Variants in HOXA5 observed in about 807,000 individuals in gnomAD.
The protein encoded by HOXA5 is homeobox protein Hox-A5.
In HOXA5, 12 loss-of-function variants were observed where a neutral mutation model predicts 20.0. That is an observed-to-expected ratio of 0.60 (90% CI 0.38 to 0.97). HOXA5 has a LOEUF of 0.97. Among genes scored for constraint, HOXA5 ranks in the 50% least tolerant of loss-of-function variants. The pLI is 0.00. For missense variants in HOXA5, 352 were observed against 380.3 expected (o/e 0.93, Z 0.62); for synonymous variants, 159 against 157.7 (o/e 1.01, Z -0.06).
chr7:27,141,264 AG>A lies in HOXA5; in HGVS notation c.*570del, dbSNP rs1782559614. The stretch of plus-strand genomic sequence containing the variant: ...AGAGTTCGTGCAAAGGGTCCTATAA[AG>A]GCACGCAGGGACACACCGCTTGGAG... On this transcript the variant is annotated 3_prime_UTR_variant, in exon 2 of 2. Transcript: ENST00000222726. 6.5e-6 allele frequency: 1 copy of A among 152,724 alleles called. No homozygotes were observed. The highest frequency in any genetic ancestry group is 1.5e-5 in the Non-Finnish European group (1 of 68,218). The allele number at this position is 152,724 out of a possible 1,614,324, so 9.5% of individuals were successfully genotyped here. A position where few individuals can be genotyped will look rare whatever the true frequency, so the allele number is the denominator to read the frequency against.
intron 1 of HOXA5, chr7:27,142,645 C>G (rs1244825152): frequency 9.4e-6 from 2 of 211,916 alleles, no homozygotes; most frequent in African/African-American, 2.3e-5. Context: ...TAATTAGTAA[C>G]GCTGTTTCCC....
In HOXA5 at chr7:27,143,658, C is replaced by A; in HGVS notation, c.-51G>T. On this transcript the variant is annotated 5_prime_UTR_variant, in exon 1 of 2. Transcript: ENST00000222726. ...TTGTGGCTCGCGGTCGTTTGTGCGT[C>A]TATAGCACCCTTGCACAATTTATGA... 6.5e-7 allele frequency: 1 copy of A among 1,542,106 alleles called. No homozygotes were observed. Among genetic ancestry groups the A allele is most frequent in the Non-Finnish European group, 8.7e-7 (1 of 1,143,224 alleles).
chr7:27,141,673 G>A lies in HOXA5; in HGVS notation c.*162C>T, dbSNP rs1400563578. On this transcript the variant is annotated 3_prime_UTR_variant, in exon 2 of 2. Transcript: ENST00000222726. ...AGAAAGCAGATCTACTTATACAGGCGCTATAATGGCAATAAACAGGCTCAT... is the reference window on the plus strand; with the variant it reads ...AGAAAGCAGATCTACTTATACAGGCACTATAATGGCAATAAACAGGCTCAT... 3.8e-6 allele frequency: 3 copies of A among 791,110 alleles called. No homozygotes were observed. The highest frequency in any genetic ancestry group is 6.0e-6 in the Non-Finnish European group (3 of 503,788). The allele number at this position is 791,110 out of a possible 1,614,324, so 49.0% of individuals were successfully genotyped here.
At position 27,143,183 on chromosome 7, in the gene HOXA5, C is replaced by T. The variant is rs1782635156; in HGVS notation, c.425G>A (p.Gly142Glu). 3.1e-6 allele frequency: 5 copies of T among 1,611,222 alleles called. No individual in the cohort carries two copies. Among genetic ancestry groups the T allele is most frequent in the Non-Finnish European group, 4.2e-6 (5 of 1,179,112 alleles). Reference protein sequence around the residue: ...AGSTHISSREGVGTASGAEED... With the variant: ...AGSTHISSREEVGTASGAEED... Reference sequence around the variant, plus strand: ...CTCGGCTCCGGACGCCGTGCCAACCCCCTCTCTGCTGCTGATGTGGGTGCT... The same window carrying T: ...CTCGGCTCCGGACGCCGTGCCAACCTCCTCTCTGCTGCTGATGTGGGTGCT... Residue 142 changes from glycine to glutamate, a missense_variant, in exon 1 of 2, where the codon GGG becomes GAG. By Grantham distance (98) the Gly-to-Glu change is moderately conservative. Coordinates refer to ENST00000222726, the MANE Select transcript of HOXA5 (RefSeq NM_019102.4).
At position 27,143,257 on chromosome 7, in the gene HOXA5, G is replaced by A. The variant is rs764768499; in HGVS notation, c.351C>T (p.Gly117=). ...APSPGSDSHH[G]GKNSLSNSSG... is the part of the protein sequence containing the mutation. ...TGGAGTTGCTTAGGGAGTTTTTCCC[G>A]CCGTGGTGGCTGTCGCTGCCGGGCG... The change falls in exon 1 of 2, where the codon GGC becomes GGT. Residue 117 remains glycine, a synonymous_variant. Coordinates refer to ENST00000222726, the MANE Select transcript of HOXA5 (RefSeq NM_019102.4). The A allele has an allele frequency of 3.1e-6, 5 of 1,608,126 alleles. No individual in the cohort carries two copies. The highest frequency in any genetic ancestry group is 3.4e-6 in the Non-Finnish European group (4 of 1,178,716).
rs1459975382 is a variant in HOXA5, at chr7:27,141,438, A to C, written c.*397T>G. ...AACAGCTTGGAGCTATTGAGACAGG[A>C]ACACTTCCACGCACATGCACAGTTA... is the stretch of plus-strand genomic sequence containing the variant. On this transcript the variant is annotated 3_prime_UTR_variant, in exon 2 of 2. Transcript: ENST00000222726. 1.7e-5 allele frequency: 3 copies of C among 172,054 alleles called. No individual in the cohort carries two copies. The highest frequency in any genetic ancestry group is 7.2e-5 in the African/African-American group (3 of 41,734). The allele number at this position is 172,054 out of a possible 1,614,324, so 10.7% of individuals were successfully genotyped here.
chr7:27,141,733 C>A lies in HOXA5; in HGVS notation c.*102G>T. On this transcript the variant is annotated 3_prime_UTR_variant, in exon 2 of 2. Coordinates refer to ENST00000222726, the MANE Select transcript of HOXA5 (RefSeq NM_019102.4). The stretch of plus-strand genomic sequence containing the variant: ...ATGAATTAGGGCAACGAGAACAGGG[C>A]TTCTTCACAGAAGGAACACAAGGGA... The A allele has an allele frequency of 7.0e-7, 1 of 1,435,588 alleles. No homozygotes were observed. 88.9% of individuals were successfully genotyped at this position (1,435,588 alleles called of 1,614,324 possible).
rs139068122 is a variant in HOXA5, at chr7:27,141,606, A to AT, written c.*228dup. The stretch of plus-strand genomic sequence containing the variant: ...TTCATATAAATAAGTTAAAACATCT[A>AT]TTTTTTTTCAAGACAAAGCCATTCA... On this transcript the variant is annotated 3_prime_UTR_variant, in exon 2 of 2. Transcript: ENST00000222726. The AT allele has an allele frequency of 0.034, 14,331 of 420,100 alleles. 330 individuals are homozygous for AT. Among genetic ancestry groups the AT allele is most frequent in the Non-Finnish European group, 0.041 (9,861 of 239,904 alleles). 26.0% of individuals were successfully genotyped at this position (420,100 alleles called of 1,614,324 possible). A position where few individuals can be genotyped will look rare whatever the true frequency, so the allele number is the denominator to read the frequency against.
In HOXA5 at chr7:27,143,466, C is replaced by T; in HGVS notation, c.142G>A (p.Gly48Ser). ...ACGCTGAGATCCATGCCATTGTAGC[C>T]GTAGCCGTACCTGCCGGAGTGCATG... is the stretch of plus-strand genomic sequence containing the variant. ...ASMHSGRYGY[G>S]YNGMDLSVGR... is the part of the protein sequence containing the mutation. Residue 48 changes from glycine to serine, a missense_variant, in exon 1 of 2, where the codon GGC becomes AGC. Physicochemically the swap from Gly to Ser is moderately conservative, Grantham distance 56 (BLOSUM62 0). Transcript: ENST00000222726. 6.2e-7 allele frequency: 1 copy of T among 1,613,798 alleles called. No individual in the cohort carries two copies. Among genetic ancestry groups the T allele is most frequent in the Non-Finnish European group, 8.5e-7 (1 of 1,179,922 alleles).
chr7:27,141,555 T>A lies in HOXA5; in HGVS notation c.*280A>T. 1 of 293,848 alleles carries A rather than the reference T, an allele frequency of 3.4e-6. No individual in the cohort carries two copies. Among genetic ancestry groups the A allele is most frequent in the Non-Finnish European group, 6.3e-6 (1 of 158,128 alleles). 18.2% of individuals were successfully genotyped at this position (293,848 alleles called of 1,614,324 possible). On this transcript the variant is annotated 3_prime_UTR_variant, in exon 2 of 2. Coordinates refer to ENST00000222726, the MANE Select transcript of HOXA5 (RefSeq NM_019102.4). ...TTTTTTCTCTTTTCTTTTTTTGTTA[T>A]AGTTACTTCAAGTAACACAGCTTGC...
rs147485948 is a variant in HOXA5, at chr7:27,141,113, C to CAAAAA, written c.*717_*721dup. ...AGTATTTTTTCCTTAAAAACAAATA[C>CAAAAA]AAAAAAAAAAAAAAAAAAAAAAAAG... is the stretch of plus-strand genomic sequence containing the variant. On this transcript the variant is annotated 3_prime_UTR_variant, in exon 2 of 2. Transcript: ENST00000222726. 790 of 82,756 alleles carry CAAAAA rather than the reference C, an allele frequency of 9.5e-3. 4 individuals carry two copies. Among genetic ancestry groups the CAAAAA allele is most frequent in the African/African-American group, 0.021 (419 of 20,316 alleles). 5.1% of individuals were successfully genotyped at this position (82,756 alleles called of 1,614,324 possible).
rs749267060 is a variant in HOXA5 at position 27,143,528 on chromosome 7, T to A, written c.80A>T (p.His27Leu). ...CCTGAATTGCTCGCTCACGGAACTA[T>A]GATCTCCATAATTATGCAACTGGTA... Reference protein sequence around the residue: ...PDYQLHNYGDHSSVSEQFRDS... With the variant: ...PDYQLHNYGDLSSVSEQFRDS... The change falls in exon 1 of 2, where the codon CAT becomes CTT. Residue 27 changes from histidine to leucine, a missense_variant. By Grantham distance (99) the His-to-Leu change is moderately conservative. Around this residue, in one of 3 missense-constraint regions of HOXA5, gnomAD observed 319 missense variants for 336.5 expected, o/e 0.95. Transcript: ENST00000222726. 6.2e-7 allele frequency: 1 copy of A among 1,613,812 alleles called. No individual in the cohort carries two copies. The highest frequency in any genetic ancestry group is 8.5e-7 in the Non-Finnish European group (1 of 1,179,878).
Position 27,143,281 on chromosome 7 carries a change from C to G in HOXA5, c.327G>C (p.Ser109=). 1 of 1,604,680 alleles carries G rather than the reference C, an allele frequency of 6.2e-7. No homozygotes were observed. The highest frequency in any genetic ancestry group is 1.1e-5 in the South Asian group (1 of 90,674). ...CGCCGTGGTGGCTGTCGCTGCCGGG[C>G]GAGGGGGCCACGGCGGAGCAGGGCA... ...DPLPCSAVAP[S]PGSDSHHGGK... is the part of the protein sequence containing the mutation. Residue 109 remains serine (S), a synonymous_variant, in exon 1 of 2, where the codon TCG becomes TCC. Coordinates refer to ENST00000222726, the MANE Select transcript of HOXA5 (RefSeq NM_019102.4).
Position 27,141,855 on chromosome 7 carries a change from C to T in HOXA5, c.793G>A (p.Gly265Arg). 6.2e-7 allele frequency: 1 copy of T among 1,614,048 alleles called. No individual in the cohort carries two copies. Among genetic ancestry groups the T allele is most frequent in the East Asian group, 2.2e-5 (1 of 44,898 alleles). Residue 265 changes from glycine (G) to arginine (R), a missense_variant, in exon 2 of 2, where the codon GGA becomes AGA. Transcript: ENST00000222726. ...KLKSMSMAAA[G>R]GAFRP ...GATACTCAGGGACGGAAGGCCCCTC[C>T]TGCCGCGGCCATGCTCATGCTTTTC...
Position 27,141,858 on chromosome 7 carries a change from C to G in HOXA5, c.790G>C (p.Ala264Pro), listed in dbSNP as rs772389383. 3.7e-6 allele frequency: 6 copies of G among 1,614,192 alleles called. No homozygotes were observed. In the Admixed American group the frequency reaches 8.3e-5, roughly 22 times the overall value. Residue 264 changes from alanine (A) to proline (P), a missense_variant, in exon 2 of 2, where the codon GCA (alanine) becomes CCA (proline). Ala to Pro is a conservative substitution (Grantham distance 27). Transcript: ENST00000222726. ...ACTCAGGGACGGAAGGCCCCTCCTG[C>G]CGCGGCCATGCTCATGCTTTTCAGC... ...NKLKSMSMAA[A>P]GGAFRP
chr7:27,141,596 TA>T lies in HOXA5; in HGVS notation c.*238del. On this transcript the variant is annotated 3_prime_UTR_variant, in exon 2 of 2. Transcript: ENST00000222726. The stretch of plus-strand genomic sequence containing the variant: ...CACAGCTTGCTTCATATAAATAAGT[TA>T]AAACATCTATTTTTTTTCAAGACAA... The T allele has an allele frequency of 2.4e-6, 1 of 410,628 alleles. No individual in the cohort carries two copies. Among genetic ancestry groups the T allele is most frequent in the Non-Finnish European group, 4.3e-6 (1 of 232,466 alleles). The allele number at this position is 410,628 out of a possible 1,614,324, so 25.4% of individuals were successfully genotyped here.
In HOXA5 at chr7:27,143,260, G is replaced by T. The variant is rs1324963074; in HGVS notation, c.348C>A (p.His116Gln). 6.2e-7 allele frequency: 1 copy of T among 1,608,018 alleles called. No individual in the cohort carries two copies. Among genetic ancestry groups the T allele is most frequent in the African/African-American group, 1.3e-5 (1 of 74,942 alleles). The change falls in exon 1 of 2, where the codon CAC (histidine) becomes CAA (glutamine). Residue 116 changes from histidine to glutamine, a missense_variant. Coordinates refer to ENST00000222726, the MANE Select transcript of HOXA5 (RefSeq NM_019102.4). ...AGTTGCTTAGGGAGTTTTTCCCGCC[G>T]TGGTGGCTGTCGCTGCCGGGCGAGG... ...VAPSPGSDSH[H>Q]GGKNSLSNSS... is the part of the protein sequence containing the mutation.
In HOXA5 at chr7:27,141,690, C is replaced by T. The variant is rs975355610; in HGVS notation, c.*145G>A. Reference sequence around the variant, plus strand: ...ATACAGGCGCTATAATGGCAATAAACAGGCTCATGATTAAAAGATGAATTA... The same window carrying T: ...ATACAGGCGCTATAATGGCAATAAATAGGCTCATGATTAAAAGATGAATTA... On this transcript the variant is annotated 3_prime_UTR_variant, in exon 2 of 2. Coordinates refer to ENST00000222726, the MANE Select transcript of HOXA5 (RefSeq NM_019102.4). 9.1e-6 allele frequency: 9 copies of T among 988,232 alleles called. No homozygotes were observed. The highest frequency in any genetic ancestry group is 1.6e-5 in the African/African-American group (1 of 61,398). 61.2% of individuals were successfully genotyped at this position (988,232 alleles called of 1,614,324 possible). A position where few individuals can be genotyped will look rare whatever the true frequency, so the allele number is the denominator to read the frequency against.
At position 27,143,282 on chromosome 7, in the gene HOXA5, G is replaced by C; in HGVS notation, c.326C>G (p.Ser109Trp). Residue 109 changes from serine (S) to tryptophan (W), a missense_variant, in exon 1 of 2, where the codon TCG becomes TGG. Ser to Trp is a radical substitution (Grantham distance 177). Around this residue, in one of 3 missense-constraint regions of HOXA5, gnomAD observed 319 missense variants for 336.5 expected, o/e 0.95. Transcript: ENST00000222726. Reference sequence around the variant, plus strand: ...GCCGTGGTGGCTGTCGCTGCCGGGCGAGGGGGCCACGGCGGAGCAGGGCAG... The same window carrying C: ...GCCGTGGTGGCTGTCGCTGCCGGGCCAGGGGGCCACGGCGGAGCAGGGCAG... ...DPLPCSAVAP[S>W]PGSDSHHGGK... 1 of 1,604,834 alleles carries C rather than the reference G, an allele frequency of 6.2e-7. No individual in the cohort carries two copies. The highest frequency in any genetic ancestry group is 8.5e-7 in the Non-Finnish European group (1 of 1,177,842).
Sources: allele counts gnomAD v4.1 joint callset, GRCh38; gene constraint gnomAD v4.1.1; regional missense constraint gnomAD v4.1.1; transcripts MANE v1.5; gene names NCBI Gene and HGNC (gene_info 2026-07-23, HGNC 2026-07-21).